The following RAB37 variants were observed in gnomAD, a reference collection of about 807,000 sequenced individuals.
RAB37 encodes the protein ras-related protein Rab-37.
Under a neutral mutation model 33.1 loss-of-function variants are expected in RAB37, and 29 were observed. That is an observed-to-expected ratio of 0.88 (90% CI 0.65 to 1.20). The LOEUF (loss-of-function observed/expected upper bound fraction) is 1.20. Among genes scored for constraint, RAB37 ranks in the 50% most tolerant of loss-of-function variants. RAB37 has a pLI of 0.00. For missense variants in RAB37, 299 were observed against 301.1 expected (o/e 0.99, Z 0.05); for synonymous variants, 128 against 119.5 (o/e 1.07, Z -0.47).
intron 1 of RAB37, chr17:74,695,936 A>C: frequency 6.6e-7 from 1 of 1,516,278 alleles, no homozygotes. Context: ...GTGGGACGGG[A>C]CGAGAGCCTC....
At chr17:74,714,431 A>ACGCACG (rs1555590480) in intron 1 of RAB37, among the ~76,000 whole-genome samples, 1 of 150,728 alleles carries the variant, frequency 6.6e-6, no homozygotes, top group Non-Finnish European at 1.5e-5. Context: ...ACACACACAC[A>ACGCACG]CACGCACGCA....
chr17:74,737,110 A>T (rs1281873633), upstream of RAB37: 1 of 1,598,196 alleles, frequency 6.3e-7, no homozygotes, highest in East Asian at 2.3e-5. Context: ...CCCTCAGGGA[A>T]CAGCAAGGTC....
chr17:74,683,356 G>C (rs898910988), intron 1 of RAB37, among the ~76,000 whole-genome samples: 1 of 152,188 alleles, frequency 6.6e-6, no homozygotes, highest in South Asian at 2.1e-4. Context: ...ACAGGAATGA[G>C]GGGAAGCTCT....
At chr17:74,701,897 T>G (rs986876725) in intron 1 of RAB37, among the ~76,000 whole-genome samples, 1 of 148,328 alleles carries the variant, frequency 6.7e-6, no homozygotes, top group African/African-American at 2.5e-5. Flanking sequence ...TGGGCGACTA[T>G]AGTTCCCCCA....
upstream of RAB37, among the ~76,000 whole-genome samples, chr17:74,735,053 G>GAAAGAAAGAAAGAAAGAAAGA (rs1555594310): frequency 1.4e-5 from 2 of 138,298 alleles, no homozygotes; most frequent in African/African-American, 5.3e-5. Flanking sequence ...AAGAAAGAAA[G>GAAAGAAAGAAAGAAAGAAAGA]AAAGAAAGAG....
chr17:74,740,597 G>A (rs973993785), intron 1 of RAB37, among the ~76,000 whole-genome samples, 171 bp from the exon 2 acceptor site: 2 of 152,200 alleles, frequency 1.3e-5, no homozygotes, highest in African/African-American at 4.8e-5. Context: ...GGAGCGTGGA[G>A]AGGAGAGACA....
upstream of RAB37, among the ~76,000 whole-genome samples, chr17:74,734,110 G>A (rs2034432386): frequency 6.6e-6 from 1 of 152,192 alleles, no homozygotes; most frequent in Admixed American, 6.5e-5. Context: ...CACAGCTGGA[G>A]GCTAGAAATC....
chr17:74,698,308 A>G lies in RAB37; in HGVS notation c.72+26650A>G, dbSNP rs1486635294. 4 of 1,160,612 alleles carry G rather than the reference A, an allele frequency of 3.4e-6. No homozygotes were observed. In the East Asian group the frequency reaches 7.1e-5, roughly 21 times the overall value. 71.9% of individuals were successfully genotyped at this position (1,160,612 alleles called of 1,614,324 possible). A position where few individuals can be genotyped will look rare whatever the true frequency, so the allele number is the denominator to read the frequency against. ...TAATCCCTTGGACCAGATAGCTCCCAGATGCCACATCCCCAGCCACCCGGC... is the reference window on the plus strand; with the variant it reads ...TAATCCCTTGGACCAGATAGCTCCCGGATGCCACATCCCCAGCCACCCGGC... On this transcript the variant is annotated intron_variant, in intron 1 of 7. Coordinates refer to the RAB37 transcript ENST00000340415.
At chr17:74,734,409 G>A (rs1269829117), upstream of RAB37, among the ~76,000 whole-genome samples, 3 of 152,220 alleles carry the variant, frequency 2.0e-5, no homozygotes, top group African/African-American at 7.2e-5. Context: ...CATGATCTGA[G>A]GTACTGGTGG....
intron 1 of RAB37, among the ~76,000 whole-genome samples, chr17:74,721,811 G>T (rs1335042963): frequency 6.6e-6 from 1 of 152,160 alleles, no homozygotes; most frequent in Non-Finnish European, 1.5e-5. Flanking sequence ...GATATTGTCA[G>T]TTGCTATCCA....
intron 1 of RAB37, among the ~76,000 whole-genome samples, chr17:74,728,398 C>CATGTG (rs2034333935): frequency 6.6e-6 from 1 of 150,962 alleles, no homozygotes; most frequent in East Asian, 2.0e-4. Flanking sequence ...TATCTGTGTG[C>CATGTG]ATGTGTGTGT....
upstream of RAB37, chr17:74,737,158 AG>A: frequency 7.2e-7 from 1 of 1,385,478 alleles, no homozygotes; most frequent in South Asian, 1.2e-5. Flanking sequence ...GGACGGAGGG[AG>A]GAGCCTGAGG....
intron 1 of RAB37, among the ~76,000 whole-genome samples, chr17:74,714,801 C>T (rs2034142569): frequency 6.6e-6 from 1 of 152,114 alleles, no homozygotes; most frequent in Non-Finnish European, 1.5e-5. Flanking sequence ...CCCAGCAAGT[C>T]CCTAGGGTCG....
In RAB37 at chr17:74,743,301, G is replaced by C. The variant is rs370387782; in HGVS notation, c.327G>C (p.Leu109=). Residue 109 remains leucine, a synonymous_variant, in exon 5 of 9, where the codon CTG becomes CTC. Transcript: ENST00000392613. ...YYRDAQALLL[L]YDITNKSSFD... ...TCTCCCCTCCAGCCTTGCTTCTGCT[G>C]TATGACATCACCAACAAATCTTCTT... The C allele has an allele frequency of 2.5e-6, 4 of 1,613,970 alleles. No homozygotes were observed. The African/African-American group carries it at 4.0e-5, about 16-fold the overall frequency.
chr17:74,714,146 G>C (rs1182415578), intron 1 of RAB37, among the ~76,000 whole-genome samples: 1 of 152,124 alleles, frequency 6.6e-6, no homozygotes, highest in Non-Finnish European at 1.5e-5. Flanking sequence ...AGGCGGCAGA[G>C]GTTGCAGTGA....
At chr17:74,703,963 TTGAC>T (rs2033287803) in intron 1 of RAB37, among the ~76,000 whole-genome samples, 1 of 152,212 alleles carries the variant, frequency 6.6e-6, no homozygotes, top group South Asian at 2.1e-4. Flanking sequence ...ATGCAGCCGT[TTGAC>T]TGTGAAGACC....
intron 1 of RAB37, among the ~76,000 whole-genome samples, chr17:74,693,788 G>A (rs1445322451): frequency 6.6e-6 from 1 of 152,030 alleles, no homozygotes; most frequent in East Asian, 1.9e-4. Context: ...AATTAGCCAG[G>A]CATGGTGGCA....
intron 1 of RAB37, among the ~76,000 whole-genome samples, chr17:74,682,904 CAA>C (rs982242402): frequency 6.7e-6 from 1 of 149,812 alleles, no homozygotes; most frequent in Non-Finnish European, 1.5e-5. Context: ...AACTCCGTCT[CAA>C]AAAAAAAGAG....
At chr17:74,717,561 C>G (rs2034181534) in intron 1 of RAB37, among the ~76,000 whole-genome samples, 1 of 152,130 alleles carries the variant, frequency 6.6e-6, no homozygotes, top group Admixed American at 6.6e-5. Context: ...GTAACCCCAG[C>G]ACTTAGGGAG....
Sources: allele counts gnomAD v4.1 joint callset (sites outside exome capture counted in the v4.1 genomes callset), GRCh38; gene constraint gnomAD v4.1.1; transcripts MANE v1.5; gene names NCBI Gene and HGNC (gene_info 2026-07-23, HGNC 2026-07-21).